The following MTUS2 variants were observed in gnomAD, a reference collection of about 807,000 sequenced individuals.
The protein encoded by MTUS2 is microtubule associated scaffold protein 2.
MTUS2 carries 40 observed loss-of-function variants against 114.1 expected under a neutral mutation model. The ratio of observed to expected loss-of-function variants is 0.35; its 90% CI spans 0.27 to 0.46. MTUS2 has a LOEUF of 0.46. Ranked by LOEUF, MTUS2 falls within the 20% of genes least tolerant of loss-of-function variation. The probability of loss-of-function intolerance (pLI) is 1.00; values close to 1 mark genes in which losing one functional copy is unlikely to be tolerated. For synonymous variants in MTUS2, 688 were observed against 672.0 expected (o/e 1.02, Z -0.37); for missense variants, 1,679 against 1,705.4 (o/e 0.98, Z 0.27).
At chr13:29,421,140 A>G (rs1340844053) in intron 8 of MTUS2, among the ~76,000 whole-genome samples, 1 of 152,150 alleles carries the variant, frequency 6.6e-6, no homozygotes, top group Non-Finnish European at 1.5e-5. Flanking sequence ...GGATGATCGT[A>G]ACTACCCATC....
At chr13:29,345,969 G>T (rs1007961912) in intron 7 of MTUS2, among the ~76,000 whole-genome samples, 3 of 152,176 alleles carry the variant, frequency 2.0e-5, no homozygotes, top group Non-Finnish European at 4.4e-5. Flanking sequence ...CTCCAGGCTG[G>T]TACTGGGGAG....
Position 29,024,624 on chromosome 13 carries a change from C to A in MTUS2, c.-75C>A. The A allele has an allele frequency of 6.5e-7, 1 of 1,534,930 alleles. No homozygotes were observed. Among genetic ancestry groups the A allele is most frequent in the Non-Finnish European group, 8.8e-7 (1 of 1,136,064 alleles). On this transcript the variant is annotated 5_prime_UTR_variant, in exon 3 of 16. The change creates a new upstream start codon in the 5' untranslated region. Transcript: ENST00000612955. Reference sequence around the variant, plus strand: ...AGCAGCTTGAGAATTTCCTCTTAATCTGATTGCAGCTTGAAGGCAGCCCAT... The same window carrying A: ...AGCAGCTTGAGAATTTCCTCTTAATATGATTGCAGCTTGAAGGCAGCCCAT...
At chr13:29,362,081 A>C (rs1870305100) in intron 8 of MTUS2, among the ~76,000 whole-genome samples, 1 of 152,186 alleles carries the variant, frequency 6.6e-6, no homozygotes, top group African/African-American at 2.4e-5. Context: ...TTTGAATCTC[A>C]GTTTTCTCCA....
At chr13:29,205,137 A>G (rs1295972607) in intron 5 of MTUS2, among the ~76,000 whole-genome samples, 1 of 152,216 alleles carries the variant, frequency 6.6e-6, no homozygotes, top group Non-Finnish European at 1.5e-5. Flanking sequence ...TCAGTGTGAA[A>G]ATGAACACAA....
chr13:29,021,096 A>G (rs2138460933), intron 2 of MTUS2, among the ~76,000 whole-genome samples: 1 of 152,258 alleles, frequency 6.6e-6, no homozygotes, highest in African/African-American at 2.4e-5. Context: ...TCGAGACCCT[A>G]TCTCTACAAA....
intron 4 of MTUS2, among the ~76,000 whole-genome samples, chr13:29,050,125 A>G (rs1887822108): frequency 6.6e-6 from 1 of 152,064 alleles, no homozygotes; most frequent in Admixed American, 6.5e-5. Flanking sequence ...TTACCTACAC[A>G]CAACTGCTAG....
intron 4 of MTUS2, among the ~76,000 whole-genome samples, chr13:29,080,028 C>G (rs1247842730): frequency 1.3e-5 from 2 of 152,158 alleles, no homozygotes; most frequent in Non-Finnish European, 2.9e-5. Context: ...AATCCATGAA[C>G]ATGGGATGCT....
chr13:29,339,430 A>G (rs9508376), intron 7 of MTUS2: 41,429 of 152,872 alleles, frequency 0.27, 6,290 homozygotes, highest in African/African-American at 0.42. Flanking sequence ...AGAGTGGCTC[A>G]TCGAATTTCC....
At chr13:29,000,893 A>G (rs4544098) in intron 2 of MTUS2, among the ~76,000 whole-genome samples, 1 of 151,758 alleles carries the variant, frequency 6.6e-6, no homozygotes, top group African/African-American at 2.4e-5. Flanking sequence ...TACGCAGCCC[A>G]CTCTAACCTG....
chr13:28,975,466 TGCG>T (rs1884050310), intron 2 of MTUS2, among the ~76,000 whole-genome samples: 1 of 4,616 alleles, frequency 2.2e-4, no homozygotes, highest in Non-Finnish European at 4.1e-4. Flanking sequence ...CAATCTCGCC[TGCG>T]GCAGCATCGC....
At chr13:29,352,627 G>C (rs186550772) in intron 7 of MTUS2, among the ~76,000 whole-genome samples, 1 of 152,134 alleles carries the variant, frequency 6.6e-6, no homozygotes, top group East Asian at 1.9e-4. Context: ...GGCTGTTTGT[G>C]TCTGTTTCTT....
chr13:28,877,290 C>T (rs1219097191), intron 2 of MTUS2, among the ~76,000 whole-genome samples: 1 of 150,336 alleles, frequency 6.7e-6, no homozygotes, highest in Non-Finnish European at 1.5e-5. Context: ...TGCACTCCAG[C>T]CTGGGCGACA....
In MTUS2 at chr13:29,505,885, A is replaced by AT. The variant is rs1883208350; in HGVS notation, c.*2679_*2680insT. 1 of 225,992 alleles carries AT rather than the reference A, an allele frequency of 4.4e-6. No individual in the cohort carries two copies. 14.0% of individuals were successfully genotyped at this position (225,992 alleles called of 1,614,324 possible). On this transcript the variant is annotated 3_prime_UTR_variant, in exon 16 of 16. Coordinates refer to ENST00000612955, the MANE Select transcript of MTUS2 (RefSeq NM_001033602.4). ...TCACAACATCCCTTTTCCTGCCCCTACAGTTTGTGTTGCATATTTGTGTTT... is the reference window on the plus strand; with the variant it reads ...TCACAACATCCCTTTTCCTGCCCCTATCAGTTTGTGTTGCATATTTGTGTTT...
Position 29,074,281 on chromosome 13 carries a change from T to G in MTUS2, c.2447-26492T>G, listed in dbSNP as rs548899031. 2.6e-5 allele frequency among the ~76,000 whole-genome samples: 4 copies of G among 152,330 alleles called. No homozygotes were observed. In the South Asian group the frequency reaches 8.3e-4, roughly 32 times the overall value. On this transcript the variant is annotated intron_variant, in intron 4 of 15. Coordinates refer to ENST00000612955, the MANE Select transcript of MTUS2 (RefSeq NM_001033602.4). ...TTGACTAGCTCCTTTTTATCCTTTA[T>G]GACTCAGGTCAAGTTTACCTCCTCC...
At chr13:28,885,181 T>G (rs1878519287) in intron 2 of MTUS2, among the ~76,000 whole-genome samples, 1 of 152,214 alleles carries the variant, frequency 6.6e-6, no homozygotes, top group Admixed American at 6.5e-5. Flanking sequence ...TGCTCTGCAG[T>G]GATTCTATTT....
intron 5 of MTUS2, among the ~76,000 whole-genome samples, chr13:29,128,453 G>A (rs562040828): frequency 8.5e-5 from 13 of 152,200 alleles, no homozygotes; most frequent in African/African-American, 3.1e-4. Flanking sequence ...GGCAAAAGAG[G>A]TCTTCAGGAT....
At chr13:28,863,828 G>A (rs1020390432) in intron 2 of MTUS2, among the ~76,000 whole-genome samples, 1 of 152,040 alleles carries the variant, frequency 6.6e-6, no homozygotes, top group Non-Finnish European at 1.5e-5. Flanking sequence ...GTCCTGAGTA[G>A]CTGAAACTAC....
At chr13:29,449,089 G>A (rs1370267464) in intron 9 of MTUS2, among the ~76,000 whole-genome samples, 1 of 152,008 alleles carries the variant, frequency 6.6e-6, no homozygotes, top group Non-Finnish European at 1.5e-5. Context: ...CTCAGGTATT[G>A]TACAGAAATC....
chr13:29,082,980 G>A (rs962057156), intron 4 of MTUS2, among the ~76,000 whole-genome samples: 1 of 152,112 alleles, frequency 6.6e-6, no homozygotes, highest in Non-Finnish European at 1.5e-5. Context: ...AGAGGCGGTT[G>A]TTGGAGGGAA....
Sources: allele counts gnomAD v4.1 joint callset (sites outside exome capture counted in the v4.1 genomes callset), GRCh38; gene constraint gnomAD v4.1.1; transcripts MANE v1.5; gene names NCBI Gene and HGNC (gene_info 2026-07-23, HGNC 2026-07-21).